The following NEXMIF variants were observed in gnomAD, a reference collection of about 807,000 sequenced individuals.
NEXMIF encodes neurite extension and migration factor.
In NEXMIF, 8 loss-of-function variants were observed where a neutral mutation model predicts 62.1. That is an observed-to-expected ratio of 0.13 (90% confidence interval 0.08 to 0.23). The LOEUF (loss-of-function observed/expected upper bound fraction) is 0.23. NEXMIF is among the 10% of genes least tolerant of loss of function. The pLI, the probability that NEXMIF is intolerant of heterozygous loss-of-function variation, is 1.00. For synonymous variants in NEXMIF, 404 were observed against 416.6 expected, an observed-to-expected ratio of 0.97 and a Z score of 0.37; for missense variants, 976 against 1,113.3, an observed-to-expected ratio of 0.88 and a Z score of 1.75.
At chrX:74,812,598 T>A (rs1052938107) in intron 1 of NEXMIF, among the ~76,000 whole-genome samples, 1 of 111,228 alleles carries the variant, frequency 9.0e-6, no homozygotes, top group East Asian at 2.8e-4. Flanking sequence ...GATAACATGA[T>A]ACCAATAGGA....
chrX:74,906,551 C>T (rs1007792078), intron 1 of NEXMIF, among the ~76,000 whole-genome samples: 5 of 110,574 alleles, frequency 4.5e-5, no homozygotes, highest in Non-Finnish European at 9.4e-5. Flanking sequence ...TCTCCTCCAA[C>T]TGCCTAGCCT....
intron 1 of NEXMIF, among the ~76,000 whole-genome samples, chrX:74,804,910 C>A (rs2080340387): frequency 8.9e-6 from 1 of 112,032 alleles, no homozygotes; most frequent in African/African-American, 3.2e-5. Context: ...TGCTGGAACT[C>A]AAGTTCCAAC....
chrX:74,853,009 T>C (rs971596322), intron 1 of NEXMIF, among the ~76,000 whole-genome samples: 1 of 107,182 alleles, frequency 9.3e-6, no homozygotes, highest in Non-Finnish European at 1.9e-5. Flanking sequence ...AAATGAAAAG[T>C]TTTTTTTCAA....
At chrX:74,916,198 T>C (rs965535021) in intron 1 of NEXMIF, among the ~76,000 whole-genome samples, 3 of 112,048 alleles carry the variant, frequency 2.7e-5, no homozygotes, top group Non-Finnish European at 5.6e-5. Flanking sequence ...GATAGAAATG[T>C]TGCCTCAGAA....
intron 1 of NEXMIF, among the ~76,000 whole-genome samples, chrX:74,852,964 TAAATA>T (rs2080521439): frequency 9.0e-6 from 1 of 111,077 alleles, no homozygotes; most frequent in Non-Finnish European, 1.9e-5. Flanking sequence ...AGAACTAAAT[TAAATA>T]GAGACTAAAA....
intron 1 of NEXMIF, among the ~76,000 whole-genome samples, chrX:74,851,997 T>A (rs753677307): frequency 9.0e-6 from 1 of 110,945 alleles, no homozygotes; most frequent in Non-Finnish European, 1.9e-5. Context: ...AAATGAGGCA[T>A]TCCACTTAAA....
chrX:74,866,732 T>C (rs1212172138), intron 1 of NEXMIF, among the ~76,000 whole-genome samples: 4 of 112,611 alleles, frequency 3.6e-5, no homozygotes, highest in African/African-American at 1.3e-4. Context: ...AAAAAGCCTG[T>C]TGGTTTTATA....
chrX:74,780,602 C>T (rs1445916474), intron 1 of NEXMIF, among the ~76,000 whole-genome samples: 5 of 109,702 alleles, frequency 4.6e-5, no homozygotes, highest in Non-Finnish European at 9.5e-5. Flanking sequence ...GTCTCTAACT[C>T]CTGAGCTCAG....
intron 1 of NEXMIF, among the ~76,000 whole-genome samples, chrX:74,753,697 C>T (rs1312506373): frequency 1.0e-5 from 1 of 99,891 alleles, no homozygotes; most frequent in Non-Finnish European, 2.0e-5. Context: ...AACACATTTC[C>T]TCCTTACACA....
chrX:74,791,942 T>C (rs779947907), intron 1 of NEXMIF, among the ~76,000 whole-genome samples: 26 of 111,588 alleles, frequency 2.3e-4, no homozygotes, highest in African/African-American at 7.5e-4. Context: ...ATTCACTGAT[T>C]TTTTTGAAGG....
chrX:74,830,559 CT>C (rs2080432795), intron 1 of NEXMIF, among the ~76,000 whole-genome samples: 3 of 111,127 alleles, frequency 2.7e-5, no homozygotes, highest in African/African-American at 9.8e-5. Context: ...TCCAAATAAA[CT>C]TTAGGTTTTA....
intron 1 of NEXMIF, among the ~76,000 whole-genome samples, chrX:74,750,900 A>G (rs1414663125): frequency 9.0e-6 from 1 of 110,913 alleles, no homozygotes; most frequent in Non-Finnish European, 1.9e-5. Flanking sequence ...GTATGGTATG[A>G]CTCTATTAAA....
chrX:74,859,150 C>A (rs1311232881), intron 1 of NEXMIF, among the ~76,000 whole-genome samples: 2 of 110,790 alleles, frequency 1.8e-5, no homozygotes, highest in Non-Finnish European at 3.8e-5. Context: ...TATCACCATC[C>A]AAGTACGAGA....
At chrX:74,878,802 A>T (rs2080650144) in intron 1 of NEXMIF, among the ~76,000 whole-genome samples, 1 of 111,564 alleles carries the variant, frequency 9.0e-6, no homozygotes, top group Non-Finnish European at 1.9e-5. Context: ...GAACTCCCTG[A>T]CCCCTTGCGC....
At chrX:74,873,993 T>A (rs896726930) in intron 1 of NEXMIF, among the ~76,000 whole-genome samples, 100 of 111,688 alleles carry the variant, frequency 9.0e-4, no homozygotes, top group Non-Finnish European at 1.1e-3. Flanking sequence ...GCTCTTTGGT[T>A]GAATTAGATC....
intron 1 of NEXMIF, among the ~76,000 whole-genome samples, chrX:74,898,804 C>A (rs909756852): frequency 2.7e-5 from 3 of 111,032 alleles, no homozygotes; most frequent in African/African-American, 9.8e-5. Flanking sequence ...ACAAAATCAG[C>A]ATCAAAAATT....
intron 1 of NEXMIF, among the ~76,000 whole-genome samples, chrX:74,807,494 G>T (rs2080348397): frequency 9.2e-6 from 1 of 109,074 alleles, no homozygotes; most frequent in Admixed American, 9.8e-5. Context: ...ATGGAGTCTT[G>T]CTTTGTCGCC....
chrX:74,767,546 T>C (rs756220875), intron 1 of NEXMIF, among the ~76,000 whole-genome samples: 4 of 111,261 alleles, frequency 3.6e-5, no homozygotes, highest in Non-Finnish European at 7.6e-5. Context: ...GCTGCTGTAC[T>C]GTGGCAGTTG....
chrX:74,834,278 T>A (rs1026016978), intron 1 of NEXMIF, among the ~76,000 whole-genome samples: 11 of 111,882 alleles, frequency 9.8e-5, no homozygotes, highest in African/African-American at 3.6e-4. Context: ...TGTTGTAGTG[T>A]AGATATTATT....
Sources: allele counts gnomAD v4.1 joint callset (sites outside exome capture counted in the v4.1 genomes callset), GRCh38; gene constraint gnomAD v4.1.1; transcripts MANE v1.5; gene names NCBI Gene and HGNC (gene_info 2026-07-23, HGNC 2026-07-21).